SS18: variants seen among roughly 807,000 people sequenced by gnomAD.
SS18 encodes the protein protein SSXT.
Under a neutral mutation model 72.5 loss-of-function variants are expected in SS18, and 28 were observed. That is an observed-to-expected ratio of 0.39 (90% CI 0.29 to 0.53). The LOEUF (loss-of-function observed/expected upper bound fraction) is 0.53, where lower values mean the gene tolerates loss of function less well. Among genes scored for constraint, SS18 ranks in the 20% least tolerant of loss-of-function variants. The pLI is 0.76. For synonymous variants in SS18, 172 were observed against 164.2 expected (o/e 1.05, Z -0.37); for missense variants, 518 against 535.3 (o/e 0.97, Z 0.32).
chr18:26,058,789 T>C (rs1489316866), intron 3 of SS18, among the ~76,000 whole-genome samples: 1 of 152,238 alleles, frequency 6.6e-6, no homozygotes, highest in African/African-American at 2.4e-5. Context: ...TCTTCACAAC[T>C]AAATCCAGAT....
intron 4 of SS18, among the ~76,000 whole-genome samples, chr18:26,054,430 C>CAT (rs1194361616): frequency 2.0e-5 from 3 of 152,000 alleles, no homozygotes; most frequent in African/African-American, 4.8e-5. Context: ...ACACAGAACA[C>CAT]ATATATATGT....
At chr18:26,060,453 T>A (rs1019572485) in intron 3 of SS18, among the ~76,000 whole-genome samples, 1 of 152,056 alleles carries the variant, frequency 6.6e-6, no homozygotes, top group Admixed American at 6.6e-5. Flanking sequence ...GTGAAAACAT[T>A]CTGAAATTAG....
chr18:26,083,110 G>C (rs2054556531), intron 2 of SS18, among the ~76,000 whole-genome samples: 1 of 152,022 alleles, frequency 6.6e-6, no homozygotes, highest in African/African-American at 2.4e-5. Context: ...AATATCTGAA[G>C]AACAAAAGAA....
At chr18:26,080,172 G>T in intron 2 of SS18, 1 of 169,116 alleles carries the variant, frequency 5.9e-6, no homozygotes, top group Non-Finnish European at 1.2e-5. Flanking sequence ...TCTTCAAGCA[G>T]CACTAACAGG....
At chr18:26,043,395 T>C (rs2053763352) in intron 5 of SS18, among the ~76,000 whole-genome samples, 1 of 152,086 alleles carries the variant, frequency 6.6e-6, no homozygotes, top group South Asian at 2.1e-4. Context: ...ACCATGAAAC[T>C]CCATAGATAA....
intron 4 of SS18, among the ~76,000 whole-genome samples, chr18:26,053,635 A>C (rs2053962062): frequency 6.6e-6 from 1 of 150,598 alleles, no homozygotes; most frequent in African/African-American, 2.5e-5. Context: ...CACCAGTAAA[A>C]GAATGGGCAA....
rs561860456 is a variant in SS18, at chr18:26,090,555, G to C, written c.15C>G (p.Phe5Leu). The C allele has an allele frequency of 1.9e-6, 3 of 1,586,396 alleles. No individual in the cohort carries two copies. The highest frequency in any genetic ancestry group is 1.7e-5 in the Admixed American group (1 of 57,302). Reference sequence around the variant, plus strand: ...CCTTGCCTCGCTGCCTCGGGGCCGCGAAAGCCACAGACATGTTGCCGCCGT... The same window carrying C: ...CCTTGCCTCGCTGCCTCGGGGCCGCCAAAGCCACAGACATGTTGCCGCCGT... MSVAFAAPRQRGKGE... is the reference protein window; with the variant it reads MSVALAAPRQRGKGE... The change falls in exon 1 of 11, where the codon TTC becomes TTG. Residue 5 changes from phenylalanine to leucine, a missense_variant. By Grantham distance (22) the Phe-to-Leu change is conservative. Transcript: ENST00000415083.
chr18:26,019,848 C>A (rs947011039), intron 10 of SS18, among the ~76,000 whole-genome samples: 14 of 129,038 alleles, frequency 1.1e-4, no homozygotes, highest in Admixed American at 7.8e-5. Context: ...GTGTGTTTTA[C>A]ATAGTTATAT....
chr18:26,080,226 A>C, intron 2 of SS18: 1 of 424,988 alleles, frequency 2.4e-6, no homozygotes, highest in South Asian at 9.8e-5. Flanking sequence ...GAGATCTAGG[A>C]AGGAACTTAA....
At chr18:26,087,845 T>G (rs573464744) in intron 1 of SS18, among the ~76,000 whole-genome samples, 1 of 152,234 alleles carries the variant, frequency 6.6e-6, no homozygotes, top group Non-Finnish European at 1.5e-5. Context: ...AAATTCATTT[T>G]AATAACAAAT....
Position 26,077,680 on chromosome 18 carries a change from G to C in SS18, c.231+396C>G, listed in dbSNP as rs147914219. ...AAAATAAATTGAATATTGTAAGACA[G>C]AAAGAAATTATGGTTAACTTAGTTG... On this transcript the variant is annotated intron_variant, in intron 3 of 10. Coordinates refer to ENST00000415083, the MANE Select transcript of SS18 (RefSeq NM_001007559.3). 1.1e-3 allele frequency among the ~76,000 whole-genome samples: 174 copies of C among 152,226 alleles called. 1 individual carries two copies. In the Middle Eastern group the frequency reaches 0.014, roughly 12 times the overall value.
At position 26,081,114 on chromosome 18, in the gene SS18, A is replaced by AT. The variant is rs1459053968; in HGVS notation, c.147-2955dup. The AT allele has an allele frequency of 5.4e-5, 8 of 147,358 alleles. 1 individual carries two copies. The highest frequency in any genetic ancestry group is 2.1e-4 in the African/African-American group (8 of 38,476). The allele number at this position is 147,358 out of a possible 1,614,324, so 9.1% of individuals were successfully genotyped here. A position where few individuals can be genotyped will look rare whatever the true frequency, so the allele number is the denominator to read the frequency against. On this transcript the variant is annotated intron_variant, in intron 2 of 10. Transcript: ENST00000415083. ...AAAAAAAAAAAAAAAAAAAAAAAAA[A>AT]TTTTAATTGGCCTTTTCTAACTTCA...
At chr18:26,043,903 A>T (rs1427857378) in intron 5 of SS18, among the ~76,000 whole-genome samples, 1 of 152,350 alleles carries the variant, frequency 6.6e-6, no homozygotes, top group East Asian at 1.9e-4. Flanking sequence ...TAAAAGTTTT[A>T]AAAGGTATTA....
intron 3 of SS18, among the ~76,000 whole-genome samples, chr18:26,073,630 A>G (rs763658022): frequency 9.9e-5 from 15 of 152,214 alleles, no homozygotes; most frequent in Non-Finnish European, 2.1e-4. Flanking sequence ...TCAATGTATT[A>G]CTGGCTGCCA....
intron 3 of SS18, among the ~76,000 whole-genome samples, chr18:26,067,695 T>C (rs561151879): frequency 9.2e-5 from 14 of 152,238 alleles, no homozygotes; most frequent in African/African-American, 2.4e-4. Context: ...ATGGGCGTGG[T>C]AAAGACGACG....
chr18:26,053,079 A>C (rs2053951096), intron 4 of SS18, among the ~76,000 whole-genome samples: 1 of 152,246 alleles, frequency 6.6e-6, no homozygotes, highest in Non-Finnish European at 1.5e-5. Context: ...AAAAGAAGGA[A>C]GGACTAGCTT....
At chr18:26,040,113 T>C (rs538837504) in intron 5 of SS18, among the ~76,000 whole-genome samples, 2 of 152,266 alleles carry the variant, frequency 1.3e-5, no homozygotes, top group East Asian at 3.9e-4. Context: ...AAAAGACACA[T>C]ACATTACATA....
chr18:26,035,069 T>A lies in SS18; in HGVS notation c.1032A>T (p.Gly344=), dbSNP rs369993884. The change falls in exon 9 of 11, where the codon GGA becomes GGT. Residue 344 remains glycine (G), a synonymous_variant. Transcript: ENST00000415083. The surrounding 1 kb of genome is among the most constrained non-coding windows in gnomAD (Gnocchi z 4.4). ...DAYQGPPPQQ[G]YPPQQQQYPG... ...GGTACTGCTGCTGCTGGGGTGGATA[T>A]CCCTGTTGTGGAGGTGGTCCCTGGT... 1.9e-6 allele frequency: 3 copies of A among 1,613,566 alleles called. No homozygotes were observed. Among genetic ancestry groups the A allele is most frequent in the East Asian group, 2.2e-5 (1 of 44,862 alleles).
intron 9 of SS18, among the ~76,000 whole-genome samples, chr18:26,034,191 G>T (rs939641219): frequency 1.3e-5 from 2 of 152,132 alleles, no homozygotes; most frequent in African/African-American, 4.8e-5. Context: ...GGTAGACAAA[G>T]ATGTCCACAG....
Sources: gnomAD v4.1 joint callset for allele counts (sites outside exome capture counted in the v4.1 genomes callset) on GRCh38, gnomAD v4.1.1 for gene constraint, Gnocchi (gnomAD v3.1) non-coding constraint, MANE v1.5 for transcripts, NCBI Gene and HGNC (gene_info 2026-07-23, HGNC 2026-07-21) for gene names.